Variants in ATP7A observed in about 807,000 individuals in gnomAD.
ATP7A encodes copper-transporting ATPase 1.
ATP7A carries 7 observed loss-of-function variants against 83.5 expected under a neutral mutation model. The ratio of observed to expected loss-of-function variants is 0.08; its 90% confidence interval spans 0.05 to 0.16. ATP7A has a LOEUF of 0.16. Among genes scored for constraint, ATP7A ranks in the 10% least tolerant of loss-of-function variants. The pLI, the probability that ATP7A is intolerant of heterozygous loss-of-function variation, is 1.00. For missense variants in ATP7A, 940 were observed against 1,120.8 expected, an observed-to-expected ratio of 0.84 and a Z score of 2.30; for synonymous variants, 354 against 395.2, an observed-to-expected ratio of 0.90 and a Z score of 1.24.
At chrX:77,948,059 AT>A (rs2077391723) in intron 1 of ATP7A, among the ~76,000 whole-genome samples, 1 of 94,053 alleles carries the variant, frequency 1.1e-5, no homozygotes, top group Admixed American at 1.2e-4. Flanking sequence ...CAATTTAAAA[AT>A]ATTTATTTAT....
chrX:77,967,773 C>A (rs1042265125), intron 1 of ATP7A, among the ~76,000 whole-genome samples: 1 of 111,497 alleles, frequency 9.0e-6, no homozygotes, highest in Non-Finnish European at 1.9e-5. Context: ...GTTCAGGCTT[C>A]CATAACATAA....
At chrX:77,959,036 C>T (rs1195326576) in intron 1 of ATP7A, among the ~76,000 whole-genome samples, 5 of 110,734 alleles carry the variant, frequency 4.5e-5, no homozygotes, top group African/African-American at 1.6e-4. Flanking sequence ...GATCTGCTCC[C>T]CTCAGCCTCC....
chrX:77,960,797 G>A (rs1282857184), intron 1 of ATP7A, among the ~76,000 whole-genome samples: 1 of 111,532 alleles, frequency 9.0e-6, no homozygotes, highest in Non-Finnish European at 1.9e-5. Flanking sequence ...CTAACAGCTG[G>A]ATGCCAAATT....
At position 78,027,236 on chromosome X, in the gene ATP7A, A is replaced by G. The variant is rs782420878; in HGVS notation, c.2917-2014A>G. ...GATTTCTCCAAAAGACTCCCAGACC[A>G]GATAAACTACTTCAGTAAAGTTTCA... On this transcript the variant is annotated intron_variant, in intron 14 of 22. Coordinates refer to ENST00000341514, the MANE Select transcript of ATP7A (RefSeq NM_000052.7). Among the ~76,000 whole-genome samples, 97 of 111,782 alleles carry G rather than the reference A, an allele frequency of 8.7e-4. 1 individual carries two copies. The highest frequency in any genetic ancestry group is 5.7e-4 in the Admixed American group (6 of 10,497).
chrX:77,998,526 C>T lies in ATP7A; in HGVS notation c.1385C>T (p.Pro462Leu), dbSNP rs201999500. Reference sequence around the variant, plus strand: ...ATAGCTCAGCCTTCATCGGAAATGCCGCTTTTGACTTCAACTAATGAATTT... The same window carrying T: ...ATAGCTCAGCCTTCATCGGAAATGCTGCTTTTGACTTCAACTAATGAATTT... Reference protein sequence around the residue: ...VVIAQPSSEMPLLTSTNEFYT... With the variant: ...VVIAQPSSEMLLLTSTNEFYT... Residue 462 changes from proline (P) to leucine (L), a missense_variant, in exon 5 of 23, where the codon CCG becomes CTG. Physicochemically the swap from Pro to Leu is moderately conservative, Grantham distance 98. Around this residue, in one of 3 missense-constraint regions of ATP7A, gnomAD observed 350 missense variants for 432.8 expected, o/e 0.81. Coordinates refer to ENST00000341514, the MANE Select transcript of ATP7A (RefSeq NM_000052.7). The T allele has an allele frequency of 7.4e-5, 89 of 1,210,000 alleles. No individual in the cohort carries two copies. Among genetic ancestry groups the T allele is most frequent in the Non-Finnish European group, 9.2e-5 (82 of 895,220 alleles).
At chrX:77,937,928 C>G (rs782359722) in intron 1 of ATP7A, among the ~76,000 whole-genome samples, 2 of 108,731 alleles carry the variant, frequency 1.8e-5, no homozygotes, top group Admixed American at 1.0e-4. Flanking sequence ...CACACACACA[C>G]CCCACTACCC....
chrX:78,011,716 A>T lies in ATP7A; in HGVS notation c.2172+42A>T, dbSNP rs1557234558. The T allele has an allele frequency of 4.3e-6, 5 of 1,165,870 alleles. No homozygotes were observed. The South Asian group carries it at 7.2e-5, about 17-fold the overall frequency. On this transcript the variant is annotated intron_variant, in intron 9 of 22. Coordinates refer to ENST00000341514, the MANE Select transcript of ATP7A (RefSeq NM_000052.7). Reference sequence around the variant, plus strand: ...CAAATATATTTGTTAATAATAAAAAATAAGCAAAATTTGGCAGGCAAGGTT... The same window carrying T: ...CAAATATATTTGTTAATAATAAAAATTAAGCAAAATTTGGCAGGCAAGGTT...
chrX:77,952,223 A>G (rs2077417246), intron 1 of ATP7A, among the ~76,000 whole-genome samples: 1 of 112,011 alleles, frequency 8.9e-6, no homozygotes, highest in African/African-American at 3.2e-5. Flanking sequence ...CAAGGAGTGC[A>G]ATTGCTGGAT....
rs375788705 is a variant in ATP7A at position 78,042,646 on chromosome X, A to G, written c.3863A>G (p.Gln1288Arg). The change falls in exon 20 of 23, where the codon CAA becomes CGA. Residue 1288 changes from glutamine to arginine, a missense_variant. By Grantham distance (43) the Gln-to-Arg change is conservative. This residue lies in a region of ATP7A where 386 missense variants were observed against 502.2 expected (regional missense o/e 0.77). Transcript: ENST00000341514. The stretch of plus-strand genomic sequence containing the variant: ...TCTCACAAGGTTGCTAAAGTGAAGC[A>G]ACTTCAAGAGGAGGGGAAACGGGTA... ...LPSHKVAKVK[Q>R]LQEEGKRVAM... 61 of 1,210,478 alleles carry G rather than the reference A, an allele frequency of 5.0e-5. No homozygotes were observed. The highest frequency in any genetic ancestry group is 6.7e-5 in the Non-Finnish European group (60 of 895,417).
Position 78,040,576 on chromosome X carries a change from C to T in ATP7A, c.3659-15C>T, listed in dbSNP as rs782520935. The T allele has an allele frequency of 8.3e-7, 1 of 1,208,274 alleles. No homozygotes were observed. The highest frequency in any genetic ancestry group is 2.2e-5 in the Admixed American group (1 of 45,963). On this transcript the variant is annotated splice_polypyrimidine_tract_variant and intron_variant, in intron 18 of 22. Coordinates refer to ENST00000341514, the MANE Select transcript of ATP7A (RefSeq NM_000052.7). ...ATATTCCAAGTTCTTTTATTTTGTG[C>T]TGCCCCTATATTAGATGAGCTGTGT... is the stretch of plus-strand genomic sequence containing the variant.
At chrX:77,995,316 C>T (rs1254077745) in intron 4 of ATP7A, among the ~76,000 whole-genome samples, 1 of 110,378 alleles carries the variant, frequency 9.1e-6, no homozygotes, top group Non-Finnish European at 1.9e-5. Context: ...TGTAATCCCA[C>T]GACTTTGGGA....
At chrX:78,025,890 AAGGAAATTC>A (rs1282598005) in intron 14 of ATP7A, among the ~76,000 whole-genome samples, 1 of 111,490 alleles carries the variant, frequency 9.0e-6, no homozygotes, top group Non-Finnish European at 1.9e-5. Flanking sequence ...AGCAAACAGT[AAGGAAATTC>A]ATCACCACCA....
chrX:77,928,123 G>A (rs2077252444), intron 1 of ATP7A, among the ~76,000 whole-genome samples: 1 of 109,597 alleles, frequency 9.1e-6, no homozygotes, highest in African/African-American at 3.3e-5. Context: ...CACCACACCC[G>A]GCTAATTTAA....
intron 1 of ATP7A, among the ~76,000 whole-genome samples, chrX:77,941,043 T>G (rs1415730480): frequency 8.9e-6 from 1 of 111,944 alleles, no homozygotes; most frequent in Non-Finnish European, 1.9e-5. Flanking sequence ...TAAGTACTAT[T>G]TATATATGTT....
At chrX:77,918,586 C>T (rs946696907) in intron 1 of ATP7A, among the ~76,000 whole-genome samples, 23 of 111,194 alleles carry the variant, frequency 2.1e-4, no homozygotes, top group African/African-American at 6.5e-4. Context: ...TTCTTCCTTT[C>T]CCAATGGGAA....
chrX:77,990,418 T>C (rs1557231977), intron 4 of ATP7A, among the ~76,000 whole-genome samples: 1 of 112,078 alleles, frequency 8.9e-6, no homozygotes, highest in Admixed American at 9.5e-5. Flanking sequence ...ACAGTGATTA[T>C]CTTTGGGTGG....
At chrX:77,956,163 G>A (rs1384987593) in intron 1 of ATP7A, among the ~76,000 whole-genome samples, 1 of 111,605 alleles carries the variant, frequency 9.0e-6, no homozygotes, top group Non-Finnish European at 1.9e-5. Context: ...ATACCCAGTA[G>A]TGGGATTGCT....
At position 78,009,129 on chromosome X, in the gene ATP7A, G is replaced by A. The variant is rs372116692; in HGVS notation, c.1735G>A (p.Val579Ile). Residue 579 changes from valine (V) to isoleucine (I), a missense_variant, in exon 7 of 23, where the codon GTA becomes ATA. Around this residue, in one of 3 missense-constraint regions of ATP7A, gnomAD observed 350 missense variants for 432.8 expected, o/e 0.81. Coordinates refer to ENST00000341514, the MANE Select transcript of ATP7A (RefSeq NM_000052.7). ...VVRGMTCASCVHKIESSLTKH... is the reference protein window; with the variant it reads ...VVRGMTCASCIHKIESSLTKH... ...GAGGGGAATGACGTGTGCCTCCTGCGTACATAAAATAGAGTCTAGTCTCAC... is the reference window on the plus strand; with the variant it reads ...GAGGGGAATGACGTGTGCCTCCTGCATACATAAAATAGAGTCTAGTCTCAC... The A allele has an allele frequency of 3.3e-5, 40 of 1,208,215 alleles. No homozygotes were observed. Among genetic ancestry groups the A allele is most frequent in the Non-Finnish European group, 4.5e-5 (40 of 894,485 alleles).
chrX:78,012,246 C>T (rs1390039343), intron 9 of ATP7A, among the ~76,000 whole-genome samples: 4 of 111,565 alleles, frequency 3.6e-5, no homozygotes, highest in Non-Finnish European at 5.6e-5. Flanking sequence ...TTTATCTGAT[C>T]CTTATAAAAG....
Sources: gnomAD v4.1 joint callset for allele counts (sites outside exome capture counted in the v4.1 genomes callset) on GRCh38, gnomAD v4.1.1 for gene constraint, gnomAD v4.1.1 regional missense constraint, MANE v1.5 for transcripts, NCBI Gene and HGNC (gene_info 2026-07-23, HGNC 2026-07-21) for gene names.